Variants in KNG1 observed in about 807,000 individuals in gnomAD.
KNG1 encodes kininogen 1.
In KNG1, 23 loss-of-function variants were observed where a neutral mutation model predicts 47.8. That is an observed-to-expected ratio of 0.48 (90% CI 0.35 to 0.68). The LOEUF (loss-of-function observed/expected upper bound fraction) is 0.68. Ranked by LOEUF, KNG1 falls within the 30% of genes least tolerant of loss-of-function variation. The probability of loss-of-function intolerance (pLI) is 0.01; values close to 1 mark genes in which losing one functional copy is unlikely to be tolerated. For synonymous variants in KNG1, 277 were observed against 277.0 expected (o/e 1.00, Z 0.00); for missense variants, 762 against 790.2 (o/e 0.96, Z 0.43).
At chr3:186,721,504 G>T (rs2108619496) in intron 2 of KNG1, 1 of 152,358 alleles carries the variant, frequency 6.6e-6, no homozygotes, top group South Asian at 2.1e-4. Flanking sequence ...CTGCTGTGTG[G>T]CGGGCCTCTA....
rs1720875162 is a variant in KNG1, at chr3:186,743,788, A to G, written c.*1457A>G. On this transcript the variant is annotated 3_prime_UTR_variant, in exon 10 of 10. Coordinates refer to ENST00000644859, the MANE Select transcript of KNG1 (RefSeq NM_001102416.3). ...CATCTGAGAGGGAGGTCTCTTGACC[A>G]ATGGGCAGAATCTTCACTCCAGGCA... 2.5e-6 allele frequency: 4 copies of G among 1,611,978 alleles called. No individual in the cohort carries two copies. In the East Asian group the frequency reaches 8.9e-5, roughly 36 times the overall value.
chr3:186,739,415 G>A lies in KNG1; in HGVS notation c.1125+1G>A. 3.8e-6 allele frequency: 6 copies of A among 1,593,682 alleles called. No individual in the cohort carries two copies. Among genetic ancestry groups the A allele is most frequent in the Non-Finnish European group, 5.2e-6 (6 of 1,161,384 alleles). ...TGTCAACTGTCAACCACTGGGAATG[G>A]TATGATTCTAATTACAGTCAGCGTG... is the stretch of plus-strand genomic sequence containing the variant. On this transcript the variant is annotated splice_donor_variant, in intron 9 of 9. Coordinates refer to ENST00000644859, the MANE Select transcript of KNG1 (RefSeq NM_001102416.3). LOFTEE classifies it high-confidence loss of function.
intron 1 of KNG1, chr3:186,718,555 T>G (rs1238593950): frequency 1.3e-5 from 2 of 151,276 alleles, no homozygotes; most frequent in Non-Finnish European, 2.9e-5. Context: ...TCCTGGATGA[T>G]CAGAGAAGTA....
intron 6 of KNG1, 121 bp downstream of exon 6, chr3:186,731,750 G>A: frequency 1.4e-6 from 1 of 711,616 alleles, no homozygotes; most frequent in Non-Finnish European, 2.6e-6. Context: ...TGTGTAACCT[G>A]CAGACACAGA....
intron 7 of KNG1, among the ~76,000 whole-genome samples, chr3:186,734,325 T>G (rs1720615404): frequency 6.6e-6 from 1 of 152,184 alleles, no homozygotes; most frequent in South Asian, 2.1e-4. Context: ...ATCCTCAGAA[T>G]AGAGTGTTAA....
rs754340722 is a variant in KNG1 at position 186,739,393 on chromosome 3, CA to C, written c.1106del (p.Asn369ThrfsTer7). On this transcript the variant is annotated frameshift_variant, in exon 9 of 10. Coordinates refer to ENST00000644859, the MANE Select transcript of KNG1 (RefSeq NM_001102416.3). LOFTEE classifies it low-confidence loss of function (END_TRUNC). ...GGGAGAAAAAAATTTACCCTACTGT[CA>C]ACTGTCAACCACTGGGAATGGTATG... The part of the protein sequence containing the change: ...PWEKKIYPTV[N>X]CQPLGMISLM... 6.2e-7 allele frequency: 1 copy of C among 1,610,500 alleles called. No homozygotes were observed. Among genetic ancestry groups the C allele is most frequent in the Non-Finnish European group, 8.5e-7 (1 of 1,176,654 alleles).
chr3:186,741,480 G>T, intron 9 of KNG1, 42 bp from the exon 10 acceptor site: 1 of 1,573,364 alleles, frequency 6.4e-7, no homozygotes, highest in South Asian at 1.2e-5. Flanking sequence ...TCAATAGCAT[G>T]ATTTTTGCAG....
At chr3:186,725,365 C>A in intron 4 of KNG1, 105 bp downstream of exon 4, 1 of 1,122,150 alleles carries the variant, frequency 8.9e-7, no homozygotes, top group Non-Finnish European at 1.3e-6. Flanking sequence ...ATGTGACTAG[C>A]ACAGGAAGCG....
intron 7 of KNG1, 142 bp downstream of exon 7, chr3:186,732,816 T>G (rs747733115): frequency 6.9e-5 from 51 of 735,648 alleles, no homozygotes; most frequent in Non-Finnish European, 1.1e-4. Context: ...GTAAATTAAG[T>G]GCCAATCTCC....
Position 186,717,388 on chromosome 3 carries a change from G to A in KNG1, c.-155G>A, listed in dbSNP as rs1029381198. ...AACCTTTGGGAACAAGGCAACTAGCGTCTGGCAGCAGGAATCCAACCAGTG... is the reference window on the plus strand; with the variant it reads ...AACCTTTGGGAACAAGGCAACTAGCATCTGGCAGCAGGAATCCAACCAGTG... On this transcript the variant is annotated 5_prime_UTR_variant, in exon 1 of 10. Transcript: ENST00000644859. The A allele has an allele frequency of 2.6e-5, 17 of 664,780 alleles. No homozygotes were observed. Among genetic ancestry groups the A allele is most frequent in the East Asian group, 1.1e-4 (4 of 37,056 alleles). 41.2% of individuals were successfully genotyped at this position (664,780 alleles called of 1,614,324 possible).
At position 186,744,059 on chromosome 3, in the gene KNG1, A is replaced by T. The variant is rs1720880794; in HGVS notation, c.*1728A>T. 2 of 491,836 alleles carry T rather than the reference A, an allele frequency of 4.1e-6. No homozygotes were observed. The highest frequency in any genetic ancestry group is 1.9e-5 in the African/African-American group (1 of 51,490). 30.5% of individuals were successfully genotyped at this position (491,836 alleles called of 1,614,324 possible). A position where few individuals can be genotyped will look rare whatever the true frequency, so the allele number is the denominator to read the frequency against. ...ATGGAGGCTCATAACCCAACACTGG[A>T]ACATTCCCTAGCCAAGGCAGAAGTC... On this transcript the variant is annotated 3_prime_UTR_variant, in exon 10 of 10. Transcript: ENST00000644859.
chr3:186,742,667 CAA>C lies in KNG1; in HGVS notation c.*338_*339del. 9.3e-7 allele frequency: 1 copy of C among 1,079,584 alleles called. No individual in the cohort carries two copies. The highest frequency in any genetic ancestry group is 1.1e-6 in the Non-Finnish European group (1 of 889,604). The allele number at this position is 1,079,584 out of a possible 1,614,324, so 66.9% of individuals were successfully genotyped here. A position where few individuals can be genotyped will look rare whatever the true frequency, so the allele number is the denominator to read the frequency against. ...ACAACATATGTCATGAATTTGCATA[CAA>C]AGATTCTTGTCATTCTTAATAAACT... On this transcript the variant is annotated 3_prime_UTR_variant, in exon 10 of 10. Coordinates refer to ENST00000644859, the MANE Select transcript of KNG1 (RefSeq NM_001102416.3).
At chr3:186,740,975 GT>G (rs201397028) in intron 9 of KNG1, among the ~76,000 whole-genome samples, 20 of 135,524 alleles carry the variant, frequency 1.5e-4, no homozygotes, top group Admixed American at 5.0e-4. Context: ...GGGTTTTTTT[GT>G]TTTTTTTTTG....
chr3:186,725,344 G>T, intron 4 of KNG1, 84 bp downstream of exon 4: 1 of 1,380,940 alleles, frequency 7.2e-7, no homozygotes, highest in South Asian at 1.2e-5. Flanking sequence ...TGCATGGCTG[G>T]TGGTGTTTTC....
At chr3:186,732,018 A>G (rs533850561) in intron 6 of KNG1, among the ~76,000 whole-genome samples, 1 of 152,310 alleles carries the variant, frequency 6.6e-6, no homozygotes, top group South Asian at 2.1e-4. Flanking sequence ...TTTTTCCTGC[A>G]TGTTATAATG....
intron 8 of KNG1, 49 bp downstream of exon 8, chr3:186,739,255 G>A: frequency 1.3e-6 from 2 of 1,585,950 alleles, no homozygotes; most frequent in Non-Finnish European, 1.7e-6. Context: ...CCTATTTGAT[G>A]TTTTTAGAAT....
At chr3:186,734,951 TAAAC>T (rs1720631749) in intron 7 of KNG1, 1 of 152,186 alleles carries the variant, frequency 6.6e-6, no homozygotes, top group South Asian at 2.1e-4. Flanking sequence ...TGAAAAAAAG[TAAAC>T]AAACTAGATT....
Position 186,742,562 on chromosome 3 carries a change from A to C in KNG1, c.*231A>C, listed in dbSNP as rs1720844782. ...TCTGAATCTTCTTCCCAAGTTTTCT[A>C]AACTAGCACAGTAAACAGACAAACT... On this transcript the variant is annotated 3_prime_UTR_variant, in exon 10 of 10. Transcript: ENST00000644859. 7.3e-7 allele frequency: 1 copy of C among 1,372,246 alleles called. No individual in the cohort carries two copies. The highest frequency in any genetic ancestry group is 9.4e-7 in the Non-Finnish European group (1 of 1,064,152). The allele number at this position is 1,372,246 out of a possible 1,614,324, so 85.0% of individuals were successfully genotyped here.
At chr3:186,731,273 T>A (rs1276658855) in intron 5 of KNG1, among the ~76,000 whole-genome samples, 1 of 152,340 alleles carries the variant, frequency 6.6e-6, no homozygotes, top group East Asian at 1.9e-4. Flanking sequence ...CTTATTTTTT[T>A]AGAAATTTAC....
Sources: gnomAD v4.1 joint callset for allele counts (sites outside exome capture counted in the v4.1 genomes callset) on GRCh38, gnomAD v4.1.1 for gene constraint, MANE v1.5 for transcripts, NCBI Gene and HGNC (gene_info 2026-07-23, HGNC 2026-07-21) for gene names.